Variants in TANC1 observed in about 807,000 individuals in gnomAD.
TANC1 encodes the protein tetratricopeptide repeat, ankyrin repeat and coiled-coil containing 1.
Under a neutral mutation model 149.7 loss-of-function variants are expected in TANC1, and 77 were observed. The observed-to-expected ratio is 0.51, with a 90% CI of 0.43 to 0.62. TANC1 has a LOEUF of 0.62. Ranked by LOEUF, TANC1 falls within the 20% of genes least tolerant of loss-of-function variation. TANC1 has a pLI of 0.00. For synonymous variants in TANC1, 854 were observed against 925.0 expected (o/e 0.92, Z 1.39); for missense variants, 1,985 against 2,321.8 (o/e 0.85, Z 2.98).
intron 2 of TANC1, among the ~76,000 whole-genome samples, chr2:159,058,539 C>T (rs955822749): frequency 2.6e-5 from 4 of 152,196 alleles, no homozygotes; most frequent in African/African-American, 9.6e-5. Context: ...ACATTTTTCA[C>T]CATAATTTTG....
chr2:159,159,717 T>TGTGTGAGA (rs1480521171), intron 7 of TANC1, among the ~76,000 whole-genome samples: 3 of 114,920 alleles, frequency 2.6e-5, no homozygotes, highest in East Asian at 2.6e-4. Context: ...TGTGTGTGTG[T>TGTGTGAGA]GAGAGAGAGA....
intron 5 of TANC1, among the ~76,000 whole-genome samples, chr2:159,139,189 G>A (rs1176615863): frequency 1.3e-5 from 2 of 152,026 alleles, no homozygotes; most frequent in Non-Finnish European, 2.9e-5. Context: ...GCAGCATAGT[G>A]AGACCTTGTC....
chr2:159,097,595 A>G (rs761478204), intron 3 of TANC1, 42 bp from the exon 4 acceptor site: 2 of 1,473,674 alleles, frequency 1.4e-6, no homozygotes, highest in African/African-American at 1.4e-5. Context: ...TCAACTTATA[A>G]TGAATGGATG....
chr2:159,194,931 A>G (rs1171288855), intron 17 of TANC1, among the ~76,000 whole-genome samples: 2 of 152,214 alleles, frequency 1.3e-5, no homozygotes, highest in African/African-American at 4.8e-5. Context: ...TCCAGGAACT[A>G]GATTGCCTGG....
chr2:159,163,685 C>T, intron 8 of TANC1, 139 bp downstream of exon 8: 1 of 831,846 alleles, frequency 1.2e-6, no homozygotes, highest in South Asian at 1.8e-5. Flanking sequence ...TTCTAAGCCT[C>T]AGTTTACTAA....
intron 11 of TANC1, among the ~76,000 whole-genome samples, chr2:159,173,006 C>T (rs1202734745): frequency 6.6e-6 from 1 of 152,092 alleles, no homozygotes; most frequent in Non-Finnish European, 1.5e-5. Flanking sequence ...TTCTGCTTTC[C>T]GGATGATGAC....
In TANC1 at chr2:159,149,179, A is replaced by T; in HGVS notation, c.402A>T (p.Ala134=). Reference sequence around the variant, plus strand: ...ATAATGAACCGAGCTGTTCGCCGGCAGCTCAAGAACTGTTGACAAGGCTGG... The same window carrying T: ...ATAATGAACCGAGCTGTTCGCCGGCTGCTCAAGAACTGTTGACAAGGCTGG... ...KADNEPSCSP[A]AQELLTRLGF... is the part of the protein sequence containing the mutation. Residue 134 remains alanine, a synonymous_variant, in exon 6 of 27, where the codon GCA becomes GCT. Coordinates refer to ENST00000263635, the MANE Select transcript of TANC1 (RefSeq NM_033394.3). 1 of 1,610,574 alleles carries T rather than the reference A, an allele frequency of 6.2e-7. No individual in the cohort carries two copies. Among genetic ancestry groups the T allele is most frequent in the Non-Finnish European group, 8.5e-7 (1 of 1,177,586 alleles).
chr2:159,150,806 C>A, intron 7 of TANC1: 2 of 432,586 alleles, frequency 4.6e-6, no homozygotes, highest in Non-Finnish European at 8.3e-6. Flanking sequence ...AATTCCAGAT[C>A]AGATCTGGCC....
At position 159,185,813 on chromosome 2, in the gene TANC1, T is replaced by G; in HGVS notation, c.2533T>G (p.Phe845Val). The change falls in exon 15 of 27, where the codon TTC (phenylalanine) becomes GTC (valine). Residue 845 changes from phenylalanine (F) to valine (V), a missense_variant. By Grantham distance (50) the Phe-to-Val change is conservative. Transcript: ENST00000263635. ...TAGGAACGGGCACGCGCTCTTGGCA[T>G]TCATGTTCTCGCGTCAGGAGGGCAA... ...EPRNGHALLA[F>V]MFSRQEGKLN... 1 of 1,614,100 alleles carries G rather than the reference T, an allele frequency of 6.2e-7. No individual in the cohort carries two copies. The highest frequency in any genetic ancestry group is 8.5e-7 in the Non-Finnish European group (1 of 1,179,996).
rs1225375400 is a variant in TANC1, at chr2:159,232,473, T to C, written c.*1461T>C. ...CTCTGATGTCATTCTTCAACGTTTG[T>C]TCCTGTGTGTACAATTGTACTTTGT... On this transcript the variant is annotated 3_prime_UTR_variant, in exon 27 of 27. Coordinates refer to ENST00000263635, the MANE Select transcript of TANC1 (RefSeq NM_033394.3). The C allele has an allele frequency of 2.0e-5, 3 of 152,660 alleles. No homozygotes were observed. Among genetic ancestry groups the C allele is most frequent in the Non-Finnish European group, 4.4e-5 (3 of 68,022 alleles). The allele number at this position is 152,660 out of a possible 1,614,324, so 9.5% of individuals were successfully genotyped here.
intron 1 of TANC1, among the ~76,000 whole-genome samples, chr2:158,989,149 TA>T (rs971887436): frequency 6.6e-6 from 1 of 152,152 alleles, no homozygotes; most frequent in African/African-American, 2.4e-5. Flanking sequence ...CCCTCAAAGA[TA>T]CCCCCTGAGG....
At chr2:159,119,577 A>C (rs1454423121) in intron 4 of TANC1, among the ~76,000 whole-genome samples, 1 of 152,188 alleles carries the variant, frequency 6.6e-6, no homozygotes, top group African/African-American at 2.4e-5. Flanking sequence ...TAAAAATTCG[A>C]CATCAACCTG....
intron 14 of TANC1, among the ~76,000 whole-genome samples, chr2:159,179,937 C>A (rs932801010): frequency 6.6e-6 from 1 of 152,198 alleles, no homozygotes; most frequent in African/African-American, 2.4e-5. Flanking sequence ...TCTGCTGTCT[C>A]GAGTGGCTTC....
intron 3 of TANC1, among the ~76,000 whole-genome samples, chr2:159,072,241 C>T (rs1489329940): frequency 6.6e-6 from 1 of 152,250 alleles, no homozygotes; most frequent in East Asian, 1.9e-4. Context: ...CTCAGCCTCA[C>T]AGAGTGCTGG....
At chr2:159,015,092 C>A (rs2038133954) in intron 2 of TANC1, among the ~76,000 whole-genome samples, 1 of 152,238 alleles carries the variant, frequency 6.6e-6, no homozygotes, top group Non-Finnish European at 1.5e-5. Flanking sequence ...TTCCTTTCCA[C>A]ACTGCTGTAG....
intron 3 of TANC1, among the ~76,000 whole-genome samples, chr2:159,075,057 C>T (rs2043522354): frequency 6.6e-6 from 1 of 152,072 alleles, no homozygotes; most frequent in South Asian, 2.1e-4. Context: ...ATTTTGGGAA[C>T]ACAATTCATC....
chr2:159,229,063 C>T (rs959768064), intron 26 of TANC1, among the ~76,000 whole-genome samples, 167 bp downstream of exon 26: 1 of 152,116 alleles, frequency 6.6e-6, no homozygotes, highest in Non-Finnish European at 1.5e-5. Context: ...TAGTAGTGGA[C>T]ATTATCAGTG....
chr2:159,058,784 A>C (rs971106373), intron 2 of TANC1, among the ~76,000 whole-genome samples: 2 of 152,156 alleles, frequency 1.3e-5, no homozygotes, highest in African/African-American at 4.8e-5. Flanking sequence ...CTAATTTTCT[A>C]GTAACTTGAA....
intron 4 of TANC1, among the ~76,000 whole-genome samples, chr2:159,108,628 C>T (rs6714340): frequency 0.18 from 27,281 of 152,096 alleles, 2,533 homozygotes; most frequent in Middle Eastern, 0.25. Flanking sequence ...CAGAAATAAA[C>T]AGGAAAGAAA....
Sources: gnomAD v4.1 joint callset for allele counts (sites outside exome capture counted in the v4.1 genomes callset) on GRCh38, gnomAD v4.1.1 for gene constraint, MANE v1.5 for transcripts, NCBI Gene and HGNC (gene_info 2026-07-23, HGNC 2026-07-21) for gene names.